The following FBXO31 variants were observed in gnomAD, a reference collection of about 807,000 sequenced individuals.
FBXO31 encodes the protein F-box only protein 31.
Under a neutral mutation model 54.4 loss-of-function variants are expected in FBXO31, and 24 were observed. The observed-to-expected ratio is 0.44, with a 90% CI of 0.32 to 0.62. The LOEUF is 0.62. FBXO31 is among the 20% of genes least tolerant of loss of function. FBXO31 has a pLI of 0.05. For synonymous variants in FBXO31, 388 were observed against 335.6 expected (o/e 1.16, Z -1.71); for missense variants, 665 against 787.1 (o/e 0.84, Z 1.86).
intron 1 of FBXO31, among the ~76,000 whole-genome samples, chr16:87,378,219 A>G (rs1302372788): frequency 5.9e-5 from 9 of 152,146 alleles, no homozygotes; most frequent in Admixed American, 6.5e-5. Flanking sequence ...AAATCCACAA[A>G]TCAAAGAAAG....
intron 1 of FBXO31, among the ~76,000 whole-genome samples, chr16:87,370,102 T>C (rs1360799628): frequency 1.3e-5 from 2 of 152,110 alleles, no homozygotes; most frequent in African/African-American, 4.8e-5. Flanking sequence ...CTGCATCTAG[T>C]CCATCTCTCT....
At chr16:87,362,260 C>T (rs10863184) in intron 1 of FBXO31, among the ~76,000 whole-genome samples, 149,012 of 152,348 alleles carry the variant, frequency 0.98, 72,957 homozygotes, top group East Asian at 1. Context: ...TTTAACTCAG[C>T]ATAACTAATT....
At chr16:87,333,800 T>C (rs1904946815) in intron 8 of FBXO31, 86 bp downstream of exon 8, 1 of 1,503,902 alleles carries the variant, frequency 6.6e-7, no homozygotes, top group Non-Finnish European at 8.9e-7. Context: ...ACAGGCCCTC[T>C]CCGCCTGTGC....
At chr16:87,343,824 C>T in intron 3 of FBXO31, 59 bp from the exon 4 acceptor site, 1 of 1,584,230 alleles carries the variant, frequency 6.3e-7, no homozygotes, top group Non-Finnish European at 8.6e-7. Context: ...CAAGGGCGGC[C>T]CCGCACGGCT....
chr16:87,344,428 G>A (rs550448319), intron 3 of FBXO31, among the ~76,000 whole-genome samples: 1 of 152,286 alleles, frequency 6.6e-6, no homozygotes, highest in Admixed American at 6.5e-5. Context: ...GCCCCAGCAC[G>A]CTCTGGCCAC....
At chr16:87,366,523 C>G (rs1435699056) in intron 1 of FBXO31, among the ~76,000 whole-genome samples, 1 of 152,102 alleles carries the variant, frequency 6.6e-6, no homozygotes, top group African/African-American at 2.4e-5. Flanking sequence ...CCTGAGCACT[C>G]CAGGTGTGGC....
chr16:87,356,840 C>T (rs1052059839), intron 2 of FBXO31, among the ~76,000 whole-genome samples: 1 of 152,070 alleles, frequency 6.6e-6, no homozygotes, highest in East Asian at 1.9e-4. Flanking sequence ...AGGGGCTCCA[C>T]GAGCCTCTAG....
At chr16:87,363,709 T>C (rs558058609) in intron 1 of FBXO31, among the ~76,000 whole-genome samples, 2 of 152,268 alleles carry the variant, frequency 1.3e-5, no homozygotes, top group Non-Finnish European at 1.5e-5. Flanking sequence ...ATGAGAGAAC[T>C]GGACAGGGAC....
chr16:87,360,148 C>T, intron 2 of FBXO31, 147 bp downstream of exon 2: 2 of 700,232 alleles, frequency 2.9e-6, no homozygotes, highest in Non-Finnish European at 5.0e-6. Flanking sequence ...GCTGTTACTA[C>T]CAGTGCTCTA....
chr16:87,343,800 C>A, intron 3 of FBXO31, 35 bp from the exon 4 acceptor site: 1 of 1,611,656 alleles, frequency 6.2e-7, no homozygotes, highest in Non-Finnish European at 8.5e-7. Context: ...CCATGAGTGG[C>A]TCCCGGGCCA....
upstream of FBXO31, among the ~76,000 whole-genome samples, chr16:87,390,269 A>C (rs144330555): frequency 6.6e-6 from 1 of 152,244 alleles, no homozygotes; most frequent in Non-Finnish European, 1.5e-5. Flanking sequence ...CAACAGTGCA[A>C]GGCTCTGTCT....
chr16:87,335,443 T>A lies in FBXO31; in HGVS notation c.857A>T (p.Tyr286Phe). The A allele has an allele frequency of 3.1e-6, 5 of 1,612,544 alleles. No individual in the cohort carries two copies. The highest frequency in any genetic ancestry group is 4.2e-6 in the Non-Finnish European group (5 of 1,179,750). ...GCTGGGCGGCAGGTAGATGCGGCGG[T>A]AGGTCAGGCAGTTGCTGTGGGGAGC... ...YTSQYDNCLT[Y>F]RRIYLPPSRP... The change falls in exon 7 of 9, where the codon TAC (tyrosine) becomes TTC (phenylalanine). Residue 286 changes from tyrosine to phenylalanine, a missense_variant. Coordinates refer to ENST00000311635, the MANE Select transcript of FBXO31 (RefSeq NM_024735.5). This position sits in a 1 kb window ranked among gnomAD's most constrained non-coding sequence, Gnocchi z 5.7.
chr16:87,331,627 G>A, intron 8 of FBXO31, 117 bp from the exon 9 acceptor site: 2 of 864,612 alleles, frequency 2.3e-6, no homozygotes, highest in Admixed American at 2.6e-5. Flanking sequence ...CTGTTCATCA[G>A]CCAGAAGCTG....
At chr16:87,376,704 A>G (rs1344434383) in intron 1 of FBXO31, among the ~76,000 whole-genome samples, 1 of 152,218 alleles carries the variant, frequency 6.6e-6, no homozygotes, top group Non-Finnish European at 1.5e-5. Context: ...GACACTAAAA[A>G]GTGGAGCCAC....
chr16:87,358,052 C>T lies in FBXO31; in HGVS notation c.412+2243G>A, dbSNP rs927605098. Among the ~76,000 whole-genome samples the T allele has an allele frequency of 6.6e-6, 1 of 152,188 alleles. No homozygotes were observed. The highest frequency in any genetic ancestry group is 2.4e-5 in the African/African-American group (1 of 41,446). ...GGTCAGAAGTCAAATATTCATATTT[C>T]ACTTTAGAATAAAATTTTAAAGCTT... is the stretch of plus-strand genomic sequence containing the variant. On this transcript the variant is annotated intron_variant, in intron 2 of 8. Transcript: ENST00000311635. The surrounding 1 kb of genome is among the most constrained non-coding windows in gnomAD (Gnocchi z 4.0).
Position 87,383,668 on chromosome 16 carries a change from G to T in FBXO31, c.77C>A (p.Ala26Asp). ...CTCGCTGTCGGCCGCCGCCGTCTCG[G>T]CCGGGCCCCGGCGCTGCTGGCGGCG... The part of the protein sequence containing the change: ...CRRRQQRRGP[A>D]ETAAADSEPD... Residue 26 changes from alanine (A) to aspartate (D), a missense_variant, in exon 1 of 9, where the codon GCC becomes GAC. This residue lies in a region of FBXO31 where 195 missense variants were observed against 174.8 expected (regional missense o/e 1.12). Transcript: ENST00000311635. This position sits in a 1 kb window ranked among gnomAD's most constrained non-coding sequence, Gnocchi z 4.9. The T allele has an allele frequency of 1.5e-6, 2 of 1,309,820 alleles. No homozygotes were observed. The highest frequency in any genetic ancestry group is 2.2e-5 in the South Asian group (1 of 44,494). The allele number at this position is 1,309,820 out of a possible 1,614,324, so 81.1% of individuals were successfully genotyped here. A position where few individuals can be genotyped will look rare whatever the true frequency, so the allele number is the denominator to read the frequency against.
chr16:87,339,723 T>A (rs559154843), intron 5 of FBXO31, among the ~76,000 whole-genome samples: 3 of 152,138 alleles, frequency 2.0e-5, no homozygotes, highest in African/African-American at 7.2e-5. Flanking sequence ...GCTATTCCAA[T>A]TGCAAGAAGA....
rs201696130 is a variant in FBXO31 at position 87,343,805 on chromosome 16, G to A, written c.490-40C>T. The A allele has an allele frequency of 6.8e-4, 1,092 of 1,610,568 alleles. 3 individuals are homozygous for A. The highest frequency in any genetic ancestry group is 2.0e-3 in the South Asian group (182 of 90,656). ...GGGCAAAGGTCCATGAGTGGCTCCC[G>A]GGCCAGAGCAAGGGCGGCCCCGCAC... On this transcript the variant is annotated intron_variant, in intron 3 of 8. Coordinates refer to ENST00000311635, the MANE Select transcript of FBXO31 (RefSeq NM_024735.5).
intron 1 of FBXO31, among the ~76,000 whole-genome samples, chr16:87,369,521 G>A (rs972099419): frequency 6.6e-5 from 10 of 152,174 alleles, no homozygotes; most frequent in Non-Finnish European, 1.0e-4. Flanking sequence ...TCCTTTTTAA[G>A]AATGGATTGT....
Sources: allele counts gnomAD v4.1 joint callset (sites outside exome capture counted in the v4.1 genomes callset), GRCh38; gene constraint gnomAD v4.1.1; regional missense constraint gnomAD v4.1.1; non-coding constraint Gnocchi (gnomAD v3.1); transcripts MANE v1.5; gene names NCBI Gene and HGNC (gene_info 2026-07-23, HGNC 2026-07-21).